Variants in RUNDC1 observed in about 807,000 individuals in gnomAD.
The protein encoded by RUNDC1 is RUN domain-containing protein 1.
In RUNDC1, 31 loss-of-function variants were observed where a neutral mutation model predicts 49.3. The observed-to-expected ratio is 0.63, with a 90% CI of 0.47 to 0.85. RUNDC1 has a LOEUF of 0.85. RUNDC1 is among the 40% of genes least tolerant of loss of function. RUNDC1 has a pLI of 0.00. For missense variants in RUNDC1, 715 were observed against 806.7 expected (o/e 0.89, Z 1.38); for synonymous variants, 347 against 348.6 (o/e 1.00, Z 0.05).
At chr17:42,986,640 G>T (rs978241854) in intron 1 of RUNDC1, among the ~76,000 whole-genome samples, 2 of 152,102 alleles carry the variant, frequency 1.3e-5, no homozygotes, top group Admixed American at 1.3e-4. Flanking sequence ...TGGGACTACA[G>T]GCGCCCGCCA....
chr17:42,983,521 G>A (rs986097870), intron 1 of RUNDC1, among the ~76,000 whole-genome samples: 6 of 151,548 alleles, frequency 4.0e-5, no homozygotes, highest in Non-Finnish European at 7.4e-5. Context: ...GACCACAGGC[G>A]AGCATCACCA....
chr17:42,980,716 C>G lies in RUNDC1; in HGVS notation c.140C>G (p.Ala47Gly). ...CGCTGGGCCCCAGTGGGGGCGGTGGCGGAGGCCCGGCCTGGGGCAACCGCG... is the reference window on the plus strand; with the variant it reads ...CGCTGGGCCCCAGTGGGGGCGGTGGGGGAGGCCCGGCCTGGGGCAACCGCG... Reference protein sequence around the residue: ...AVRWAPVGAVAEARPGATAFL... With the variant: ...AVRWAPVGAVGEARPGATAFL... Residue 47 changes from alanine to glycine, a missense_variant, in exon 1 of 5, where the codon GCG (alanine) becomes GGG (glycine). By Grantham distance (60) the Ala-to-Gly change is moderately conservative. Around this residue, in one of 5 missense-constraint regions of RUNDC1, gnomAD observed 153 missense variants for 139.4 expected, o/e 1.10. Coordinates refer to ENST00000361677, the MANE Select transcript of RUNDC1 (RefSeq NM_173079.5). The G allele has an allele frequency of 1.3e-6, 2 of 1,548,270 alleles. No individual in the cohort carries two copies. The highest frequency in any genetic ancestry group is 1.7e-6 in the Non-Finnish European group (2 of 1,150,430).
intron 1 of RUNDC1, among the ~76,000 whole-genome samples, chr17:42,982,957 A>G (rs1461798263): frequency 2.0e-5 from 3 of 151,580 alleles, no homozygotes; most frequent in Admixed American, 2.0e-4. Context: ...ATCGCACCCC[A>G]GCCTGGGGCA....
intron 3 of RUNDC1, 86 bp downstream of exon 3, chr17:42,989,625 C>G: frequency 7.5e-7 from 1 of 1,341,166 alleles, no homozygotes; most frequent in Non-Finnish European, 1.1e-6. Flanking sequence ...GGTTCTAATT[C>G]TGGTTTTTTG....
intron 1 of RUNDC1, among the ~76,000 whole-genome samples, chr17:42,984,269 C>G (rs978922408): frequency 4.0e-5 from 6 of 151,456 alleles, no homozygotes; most frequent in African/African-American, 1.5e-4. Context: ...AGCCACTGCA[C>G]CTGGCCCCCA....
rs2050240420 is a variant in RUNDC1, at chr17:42,991,412, AACAGAGCCTACTG to A, written c.1543_1555del (p.Ser515ProfsTer6). 1 of 1,614,064 alleles carries A rather than the reference AACAGAGCCTACTG, an allele frequency of 6.2e-7. No homozygotes were observed. The highest frequency in any genetic ancestry group is 1.3e-5 in the African/African-American group (1 of 74,918). On this transcript the variant is annotated frameshift_variant, in exon 5 of 5. Transcript: ENST00000361677. LOFTEE classifies it high-confidence loss of function. ...ACGGGAGGCACTGTTGTCACCCCCA[AACAGAGCCTACTG>A]ACAGCCATCCACATGGTGCTGACAG...
Position 42,992,042 on chromosome 17 carries a change from A to G in RUNDC1, c.*326A>G. 1 of 233,684 alleles carries G rather than the reference A, an allele frequency of 4.3e-6. No homozygotes were observed. Among genetic ancestry groups the G allele is most frequent in the East Asian group, 1.1e-4 (1 of 9,124 alleles). The allele number at this position is 233,684 out of a possible 1,614,324, so 14.5% of individuals were successfully genotyped here. ...ATCCTGTCTAACACGGTGAAACCCC[A>G]TCTCTACTAAAAATACAAAAAAATT... On this transcript the variant is annotated 3_prime_UTR_variant, in exon 5 of 5. Transcript: ENST00000361677.
At position 42,991,339 on chromosome 17, in the gene RUNDC1, G is replaced by A. The variant is rs1266266425; in HGVS notation, c.1465G>A (p.Val489Met). The change falls in exon 5 of 5, where the codon GTG becomes ATG. Residue 489 changes from valine (V) to methionine (M), a missense_variant. Val to Met is a conservative substitution (Grantham distance 21). This residue lies in a region of RUNDC1 where 425 missense variants were observed against 499.7 expected (regional missense o/e 0.85). Coordinates refer to ENST00000361677, the MANE Select transcript of RUNDC1 (RefSeq NM_173079.5). ...YYHAKNGRAY[V>M]ESPARKLSQS... The stretch of plus-strand genomic sequence containing the variant: ...CCATGCTAAGAACGGCCGTGCTTAT[G>A]TGGAATCCCCAGCCCGGAAGCTCTC... 1 of 1,614,204 alleles carries A rather than the reference G, an allele frequency of 6.2e-7. No individual in the cohort carries two copies. The highest frequency in any genetic ancestry group is 1.1e-5 in the South Asian group (1 of 91,084).
At position 42,980,894 on chromosome 17, in the gene RUNDC1, C is replaced by T. The variant is rs535761455; in HGVS notation, c.318C>T (p.Phe106=). The change falls in exon 1 of 5, where the codon TTC becomes TTT. Residue 106 remains phenylalanine, a synonymous_variant. Transcript: ENST00000361677. ...ALSSHFAQVQ[F]RLRQVVRGAP... is the part of the protein sequence containing the mutation. ...CCTCGCACTTCGCGCAGGTGCAGTT[C>T]CGCCTGCGCCAGGTGGTGCGCGGGG... 25 of 1,524,224 alleles carry T rather than the reference C, an allele frequency of 1.6e-5. No homozygotes were observed. The African/African-American group carries it at 3.1e-4, about 19-fold the overall frequency. 94.4% of individuals were successfully genotyped at this position (1,524,224 alleles called of 1,614,324 possible).
At position 42,989,465 on chromosome 17, in the gene RUNDC1, G is replaced by T. The variant is rs568593311; in HGVS notation, c.782G>T (p.Arg261Leu). ...AAVAQIVNPA[R>L]VKEQLVEQLK... ...GTGGCTCAGATCGTCAACCCAGCCC[G>T]AGTCAAAGAACAGTTGGTTGAGCAA... The change falls in exon 3 of 5, where the codon CGA becomes CTA. Residue 261 changes from arginine (R) to leucine (L), a missense_variant. Arg to Leu is a moderately radical substitution (Grantham distance 102). Coordinates refer to ENST00000361677, the MANE Select transcript of RUNDC1 (RefSeq NM_173079.5). The T allele has an allele frequency of 1.2e-6, 2 of 1,614,130 alleles. No individual in the cohort carries two copies. Among genetic ancestry groups the T allele is most frequent in the South Asian group, 1.1e-5 (1 of 91,074 alleles).
At chr17:42,989,772 T>C (rs2050215014) in intron 3 of RUNDC1, among the ~76,000 whole-genome samples, 1 of 152,012 alleles carries the variant, frequency 6.6e-6, no homozygotes, top group South Asian at 2.1e-4. Flanking sequence ...GTAGCTCGGA[T>C]TACAGGCTCC....
Position 42,980,740 on chromosome 17 carries a change from C to T in RUNDC1, c.164C>T (p.Ala55Val). Residue 55 changes from alanine to valine, a missense_variant, in exon 1 of 5, where the codon GCG becomes GTG. This residue lies in a region of RUNDC1 where 153 missense variants were observed against 139.4 expected (regional missense o/e 1.10). Coordinates refer to ENST00000361677, the MANE Select transcript of RUNDC1 (RefSeq NM_173079.5). ...AVAEARPGATAFLEEATAEEP... is the reference protein window; with the variant it reads ...AVAEARPGATVFLEEATAEEP... ...GCGGAGGCCCGGCCTGGGGCAACCGCGTTTTTAGAAGAGGCGACGGCCGAG... is the reference window on the plus strand; with the variant it reads ...GCGGAGGCCCGGCCTGGGGCAACCGTGTTTTTAGAAGAGGCGACGGCCGAG... The T allele has an allele frequency of 6.5e-7, 1 of 1,526,770 alleles. No individual in the cohort carries two copies. Among genetic ancestry groups the T allele is most frequent in the Non-Finnish European group, 8.8e-7 (1 of 1,140,878 alleles). 94.6% of individuals were successfully genotyped at this position (1,526,770 alleles called of 1,614,324 possible).
chr17:42,984,807 C>T (rs2050148130), intron 1 of RUNDC1, among the ~76,000 whole-genome samples: 1 of 151,796 alleles, frequency 6.6e-6, no homozygotes, highest in African/African-American at 2.4e-5. Flanking sequence ...GTTCTTTCTC[C>T]TTAGGCTGGT....
In RUNDC1 at chr17:42,991,268, C is replaced by T. The variant is rs745626505; in HGVS notation, c.1394C>T (p.Ser465Leu). 2.1e-5 allele frequency: 34 copies of T among 1,614,110 alleles called. No homozygotes were observed. Among genetic ancestry groups the T allele is most frequent in the East Asian group, 4.5e-5 (2 of 44,892 alleles). ...PIACLLPAFS[S>L]APEAMHPWEL... is the part of the protein sequence containing the mutation. ...GCTTGTTTGCTGCCAGCCTTCTCCTCGGCCCCAGAGGCCATGCACCCGTGG... is the reference window on the plus strand; with the variant it reads ...GCTTGTTTGCTGCCAGCCTTCTCCTTGGCCCCAGAGGCCATGCACCCGTGG... The change falls in exon 5 of 5, where the codon TCG (serine) becomes TTG (leucine). Residue 465 changes from serine to leucine, a missense_variant. Physicochemically the swap from Ser to Leu is moderately radical, Grantham distance 145. Transcript: ENST00000361677.
chr17:42,991,583 A>C lies in RUNDC1; in HGVS notation c.1709A>C (p.Gln570Pro). Residue 570 changes from glutamine (Q) to proline (P), a missense_variant, in exon 5 of 5, where the codon CAG becomes CCG. Around this residue, in one of 5 missense-constraint regions of RUNDC1, gnomAD observed 425 missense variants for 499.7 expected, o/e 0.85. Coordinates refer to ENST00000361677, the MANE Select transcript of RUNDC1 (RefSeq NM_173079.5). ...KSGSLIEPHYQPWSYMAHTGF... is the reference protein window; with the variant it reads ...KSGSLIEPHYPPWSYMAHTGF... ...GGGTCACTCATCGAGCCTCACTACC[A>C]GCCCTGGAGCTACATGGCACACACA... 1.2e-6 allele frequency: 2 copies of C among 1,614,158 alleles called. No individual in the cohort carries two copies. The highest frequency in any genetic ancestry group is 1.7e-6 in the Non-Finnish European group (2 of 1,180,026).
Position 42,994,086 on chromosome 17 carries a change from G to C in RUNDC1, c.*2370G>C, listed in dbSNP as rs2050279117. Among the ~76,000 whole-genome samples the C allele has an allele frequency of 6.6e-6, 1 of 152,194 alleles. No homozygotes were observed. The highest frequency in any genetic ancestry group is 2.1e-4 in the South Asian group (1 of 4,832). On this transcript the variant is annotated 3_prime_UTR_variant, in exon 5 of 5. Coordinates refer to ENST00000361677, the MANE Select transcript of RUNDC1 (RefSeq NM_173079.5). Reference sequence around the variant, plus strand: ...TTTGTCAGGCTAGTCTCGAACTCCTGACCTCAGGTGATCCACCCACTTCAG... The same window carrying C: ...TTTGTCAGGCTAGTCTCGAACTCCTCACCTCAGGTGATCCACCCACTTCAG...
chr17:42,982,871 C>T (rs1428285779), intron 1 of RUNDC1, among the ~76,000 whole-genome samples: 4 of 151,006 alleles, frequency 2.6e-5, no homozygotes. Flanking sequence ...CCTGTAATCC[C>T]AGCTACTCGG....
chr17:42,987,155 C>T (rs2050181939), intron 1 of RUNDC1, 101 bp from the exon 2 acceptor site: 2 of 749,980 alleles, frequency 2.7e-6, no homozygotes, highest in Admixed American at 2.6e-5. Flanking sequence ...TTATTGGAAA[C>T]ATCTTATATT....
At chr17:42,986,432 A>G (rs966763788) in intron 1 of RUNDC1, among the ~76,000 whole-genome samples, 3 of 151,336 alleles carry the variant, frequency 2.0e-5, no homozygotes, top group African/African-American at 7.3e-5. Flanking sequence ...GATTCTTTTG[A>G]TTTTTCAGAA....
Sources: allele counts gnomAD v4.1 joint callset (sites outside exome capture counted in the v4.1 genomes callset), GRCh38; gene constraint gnomAD v4.1.1; regional missense constraint gnomAD v4.1.1; transcripts MANE v1.5; gene names NCBI Gene and HGNC (gene_info 2026-07-23, HGNC 2026-07-21).